XPO5: variants seen among roughly 807,000 people sequenced by gnomAD.
The protein encoded by XPO5 is exportin 5.
XPO5 carries 46 observed loss-of-function variants against 160.6 expected under a neutral mutation model. The observed-to-expected ratio is 0.29, with a 90% CI of 0.23 to 0.37. The LOEUF (loss-of-function observed/expected upper bound fraction) is 0.37, where lower values mean the gene tolerates loss of function less well. XPO5 is among the 10% of genes least tolerant of loss of function. XPO5 has a pLI of 1.00. For synonymous variants in XPO5, 537 were observed against 519.3 expected (o/e 1.03, Z -0.46); for missense variants, 1,090 against 1,463.9 (o/e 0.74, Z 4.17).
At position 43,538,139 on chromosome 6, in the gene XPO5, C is replaced by CTTTTTTTTTTT. The variant is rs1160662301; in HGVS notation, c.2343-4143_2343-4133dup. Among the ~76,000 whole-genome samples, 12 of 48,920 alleles carry CTTTTTTTTTTT rather than the reference C, an allele frequency of 2.5e-4. 3 individuals carry two copies. Among genetic ancestry groups the CTTTTTTTTTTT allele is most frequent in the African/African-American group, 9.9e-4 (12 of 12,106 alleles). The allele number at this position is 48,920 out of a possible 152,430, so 32.1% of individuals were successfully genotyped here. Reference sequence around the variant, plus strand: ...TATAAATTTAGAGCCTAAGAGACATCTTTTTTTTTTTTTTTTTTTTTTTTT... The same window carrying CTTTTTTTTTTT: ...TATAAATTTAGAGCCTAAGAGACATCTTTTTTTTTTTTTTTTTTTTTTTTTTTTTTTTTTTT... On this transcript the variant is annotated intron_variant, in intron 20 of 31. Coordinates refer to ENST00000265351, the MANE Select transcript of XPO5 (RefSeq NM_020750.3).
chr6:43,563,292 A>G (rs1762505886), intron 8 of XPO5, among the ~76,000 whole-genome samples: 1 of 152,038 alleles, frequency 6.6e-6, no homozygotes, highest in East Asian at 1.9e-4. Context: ...ATACGCAGCT[A>G]ATTTATTTTC....
intron 14 of XPO5, among the ~76,000 whole-genome samples, chr6:43,552,180 C>A (rs1284808990): frequency 2.0e-5 from 3 of 152,198 alleles, no homozygotes; most frequent in African/African-American, 4.8e-5. Flanking sequence ...GCCTCAGCCT[C>A]CTGAGTAGCT....
chr6:43,553,245 A>C, intron 14 of XPO5, 128 bp downstream of exon 14: 1 of 1,208,748 alleles, frequency 8.3e-7, no homozygotes, highest in Non-Finnish European at 1.1e-6. Context: ...GAGGTTACAG[A>C]GAGCTATGAT....
rs2127743975 is a variant in XPO5, at chr6:43,560,306, A to G, written c.1096-3T>C. Reference sequence around the variant, plus strand: ...ATCTGAGTTGAAGAGCGTAGAAACTAAAGAGAAAAAAAAAAGAAAACGTCA... The same window carrying G: ...ATCTGAGTTGAAGAGCGTAGAAACTGAAGAGAAAAAAAAAAGAAAACGTCA... On this transcript the variant is annotated splice_polypyrimidine_tract_variant and splice_region_variant and intron_variant, in intron 10 of 31. Coordinates refer to ENST00000265351, the MANE Select transcript of XPO5 (RefSeq NM_020750.3). 1 of 1,595,080 alleles carries G rather than the reference A, an allele frequency of 6.3e-7. No homozygotes were observed.
chr6:43,551,570 T>C, intron 14 of XPO5, 117 bp from the exon 15 acceptor site: 1 of 1,270,434 alleles, frequency 7.9e-7, no homozygotes, highest in Non-Finnish European at 1.1e-6. Flanking sequence ...TCACCTAGGC[T>C]GGAGTGCACA....
chr6:43,571,443 TA>T (rs547583637), intron 3 of XPO5, among the ~76,000 whole-genome samples: 10 of 151,854 alleles, frequency 6.6e-5, no homozygotes, highest in Non-Finnish European at 1.0e-4. Context: ...GTCTGTTATT[TA>T]AAAAAAACCA....
At chr6:43,531,668 G>A (rs1793988451) in intron 21 of XPO5, 93 bp from the exon 22 acceptor site, 3 of 1,064,716 alleles carry the variant, frequency 2.8e-6, no homozygotes, top group African/African-American at 1.6e-5. Flanking sequence ...GTTCAGGGGT[G>A]AAGATGTGTG....
Position 43,573,446 on chromosome 6 carries a change from C to T in XPO5, c.227+34G>A, listed in dbSNP as rs767499308. On this transcript the variant is annotated intron_variant, in intron 2 of 31. Transcript: ENST00000265351. ...TATAAGATATAAAGATCTGTTCTCTCAGACTTCAGTGGTAATGTCCAAGAG... is the reference window on the plus strand; with the variant it reads ...TATAAGATATAAAGATCTGTTCTCTTAGACTTCAGTGGTAATGTCCAAGAG... 4 of 1,610,660 alleles carry T rather than the reference C, an allele frequency of 2.5e-6. No individual in the cohort carries two copies. The African/African-American group carries it at 4.0e-5, about 16-fold the overall frequency.
intron 17 of XPO5, 74 bp downstream of exon 17, chr6:43,549,415 A>C: frequency 7.1e-7 from 1 of 1,409,680 alleles, no homozygotes; most frequent in Non-Finnish European, 9.6e-7. Context: ...TCTTTATGTG[A>C]GGTACACTGA....
chr6:43,526,701 G>T lies in XPO5; in HGVS notation c.2967C>A (p.Pro989=), dbSNP rs376843416. 297 of 1,613,806 alleles carry T rather than the reference G, an allele frequency of 1.8e-4. No homozygotes were observed. Among genetic ancestry groups the T allele is most frequent in the Non-Finnish European group, 2.3e-4 (277 of 1,179,868 alleles). The change falls in exon 27 of 32, where the codon CCC becomes CCA. Residue 989 remains proline, a synonymous_variant. Transcript: ENST00000265351. ...SKKGADHSSA[P]PADGDDEEMM... ...CTCACTTACCGTCTCCATCTGCTGG[G>T]GGAGCACTACTGTGGTCAGCACCCT...
intron 20 of XPO5, among the ~76,000 whole-genome samples, chr6:43,536,368 T>C (rs1582207542): frequency 6.6e-6 from 1 of 151,816 alleles, no homozygotes; most frequent in South Asian, 2.1e-4. Context: ...TGAGCCGAGA[T>C]TGTGCCACTG....
chr6:43,531,561 G>C lies in XPO5; in HGVS notation c.2458C>G (p.Leu820Val), dbSNP rs576734931. ...ACAGGAGAGTCATTGAGTTCCAAGAGAGGTTGAGGTAATCCTACAGGGAAA... is the reference window on the plus strand; with the variant it reads ...ACAGGAGAGTCATTGAGTTCCAAGACAGGTTGAGGTAATCCTACAGGGAAA... ...KSAILGLPQP[L>V]LELNDSPVFK... Residue 820 changes from leucine (L) to valine (V), a missense_variant, in exon 22 of 32, where the codon CTC becomes GTC. Transcript: ENST00000265351. 1.1e-5 allele frequency: 18 copies of C among 1,613,784 alleles called. No homozygotes were observed. The highest frequency in any genetic ancestry group is 2.2e-5 in the East Asian group (1 of 44,892).
At chr6:43,561,373 G>T in intron 9 of XPO5, 2 of 169,898 alleles carry the variant, frequency 1.2e-5, no homozygotes, top group Non-Finnish European at 2.5e-5. Context: ...CCCTTCAATA[G>T]TTTCTTTTCT....
rs369144172 is a variant in XPO5, at chr6:43,527,722, A to G, written c.2832T>C (p.Asp944=). Residue 944 remains aspartate (D), a synonymous_variant, in exon 26 of 32, where the codon GAT becomes GAC. Transcript: ENST00000265351. ...INQRSLLCGE[D]EAADENPESQ... ...ACTCTGGGTTTTCATCTGCAGCCTC[A>G]TCTTCTCCACTGCAGAAAACCAGGG... The G allele has an allele frequency of 6.2e-6, 10 of 1,613,838 alleles. No homozygotes were observed. The highest frequency in any genetic ancestry group is 1.3e-5 in the African/African-American group (1 of 74,922).
chr6:43,568,159 T>C (rs775955444), intron 6 of XPO5, among the ~76,000 whole-genome samples: 1 of 151,552 alleles, frequency 6.6e-6, no homozygotes, highest in Non-Finnish European at 1.5e-5. Context: ...ATACAAAAAA[T>C]TAGCTGGGTG....
intron 12 of XPO5, among the ~76,000 whole-genome samples, chr6:43,557,251 C>T (rs767980447): frequency 2.0e-5 from 3 of 151,754 alleles, no homozygotes; most frequent in Non-Finnish European, 4.4e-5. Context: ...ACAGTGAAAC[C>T]CTGTCTCTAC....
At chr6:43,542,857 ACTC>A in intron 20 of XPO5, among the ~76,000 whole-genome samples, 1 of 152,258 alleles carries the variant, frequency 6.6e-6, no homozygotes, top group Middle Eastern at 3.4e-3. Context: ...TAGGAATTCT[ACTC>A]CTATGTGTGT....
chr6:43,569,311 A>AAAC (rs1762868600), intron 5 of XPO5, among the ~76,000 whole-genome samples: 1 of 148,078 alleles, frequency 6.8e-6, no homozygotes, highest in Admixed American at 6.7e-5. Flanking sequence ...AAAAACAACA[A>AAAC]AAAAAAATAC....
At position 43,530,729 on chromosome 6, in the gene XPO5, T is replaced by C. The variant is rs566775169; in HGVS notation, c.2636A>G (p.Asn879Ser). ...ATQLLSSAFV[N>S]LNNIPDYRLR... ...TCGGTAGTCAGGAATATTGTTCAAG[T>C]TGACAAAGGCTGAGCTGAGAAGCTG... The change falls in exon 23 of 32, where the codon AAC becomes AGC. Residue 879 changes from asparagine (N) to serine (S), a missense_variant. Asn to Ser is a conservative substitution (Grantham distance 46). Transcript: ENST00000265351. The C allele has an allele frequency of 5.7e-5, 92 of 1,614,000 alleles. 2 individuals are homozygous for C. In the South Asian group the frequency reaches 8.7e-4, roughly 15 times the overall value.
Sources: gnomAD v4.1 joint callset for allele counts (sites outside exome capture counted in the v4.1 genomes callset) on GRCh38, gnomAD v4.1.1 for gene constraint, MANE v1.5 for transcripts, NCBI Gene and HGNC (gene_info 2026-07-23, HGNC 2026-07-21) for gene names.